PRKCA: variants seen among roughly 807,000 people sequenced by gnomAD.
The protein encoded by PRKCA is protein kinase C alpha.
A neutral mutation model predicts 87.0 loss-of-function variants in PRKCA; 27 were observed. The observed-to-expected ratio is 0.31, with a 90% CI of 0.23 to 0.43. PRKCA has a LOEUF of 0.43. Ranked by LOEUF, PRKCA falls within the 20% of genes least tolerant of loss-of-function variation. PRKCA has a pLI of 1.00. For synonymous variants in PRKCA, 329 were observed against 311.1 expected (o/e 1.06, Z -0.61); for missense variants, 518 against 852.3 (o/e 0.61, Z 4.88).
At chr17:66,573,911 G>A (rs1166736588) in intron 3 of PRKCA, among the ~76,000 whole-genome samples, 1 of 152,134 alleles carries the variant, frequency 6.6e-6, no homozygotes, top group East Asian at 1.9e-4. Flanking sequence ...GATCACTTGA[G>A]GCCAAAGAGT....
At chr17:66,786,788 C>A in intron 14 of PRKCA, 79 bp from the exon 15 acceptor site, 2 of 1,146,338 alleles carry the variant, frequency 1.7e-6, no homozygotes, top group Non-Finnish European at 2.6e-6. Context: ...TTCCTTGGTG[C>A]TGAATTGGCT....
chr17:66,421,242 G>C lies in PRKCA; in HGVS notation c.206-74959G>C, dbSNP rs114325541. ...GGATTTTGGTTGAGTAATTTAGAGA[G>C]AGAGTAAAAAGATTTTGGTGTTTGT... On this transcript the variant is annotated intron_variant, in intron 2 of 16. Coordinates refer to ENST00000413366, the MANE Select transcript of PRKCA (RefSeq NM_002737.3). Among the ~76,000 whole-genome samples the C allele has an allele frequency of 8.4e-3, 1,278 of 152,276 alleles. 18 individuals are homozygous for C. Among genetic ancestry groups the C allele is most frequent in the African/African-American group, 0.03 (1,231 of 41,552 alleles).
Position 66,795,812 on chromosome 17 carries a change from T to C in PRKCA, c.1854+6833T>C, listed in dbSNP as rs1433016659. 1.3e-5 allele frequency among the ~76,000 whole-genome samples: 2 copies of C among 152,180 alleles called. 1 individual carries two copies. The highest frequency in any genetic ancestry group is 3.9e-4 in the East Asian group (2 of 5,186). On this transcript the variant is annotated intron_variant, in intron 16 of 16. Coordinates refer to ENST00000413366, the MANE Select transcript of PRKCA (RefSeq NM_002737.3). ...TCTGGCCATTAACATAAAGACCAAA[T>C]GGAGTACATGTTTTTATTCCATAGA...
intron 5 of PRKCA, among the ~76,000 whole-genome samples, chr17:66,662,926 G>A (rs1312011141): frequency 1.3e-5 from 2 of 152,158 alleles, no homozygotes; most frequent in Admixed American, 1.3e-4. Flanking sequence ...ATTTCTCAGA[G>A]AATCAGCTCT....
chr17:66,771,691 G>A (rs1568024661), intron 13 of PRKCA, among the ~76,000 whole-genome samples: 2 of 152,044 alleles, frequency 1.3e-5, no homozygotes, highest in Non-Finnish European at 2.9e-5. Flanking sequence ...CACCTCCCGG[G>A]TTCAAGCGAT....
intron 2 of PRKCA, among the ~76,000 whole-genome samples, chr17:66,345,944 A>G (rs1465136928): frequency 6.6e-6 from 1 of 152,166 alleles, no homozygotes; most frequent in African/African-American, 2.4e-5. Flanking sequence ...CGAATACCTA[A>G]GTAGATGATG....
chr17:66,430,829 T>A (rs1434316667), intron 2 of PRKCA, among the ~76,000 whole-genome samples: 2 of 152,198 alleles, frequency 1.3e-5, no homozygotes, highest in African/African-American at 4.8e-5. Flanking sequence ...ACGGCTGTTT[T>A]AGGCCAGGGC....
intron 2 of PRKCA, among the ~76,000 whole-genome samples, chr17:66,406,130 C>T (rs910771842): frequency 4.6e-5 from 7 of 152,082 alleles, no homozygotes; most frequent in African/African-American, 1.4e-4. Context: ...AAACACACCC[C>T]GAATCCCTTG....
chr17:66,702,969 G>A (rs1426477776), intron 8 of PRKCA, among the ~76,000 whole-genome samples: 1 of 152,120 alleles, frequency 6.6e-6, no homozygotes, highest in East Asian at 1.9e-4. Flanking sequence ...AAAAAAAGTG[G>A]TACACTAGTA....
intron 2 of PRKCA, among the ~76,000 whole-genome samples, chr17:66,435,982 T>A (rs981235399): frequency 1.3e-5 from 2 of 152,154 alleles, no homozygotes; most frequent in East Asian, 3.9e-4. Context: ...TTTGTCATCA[T>A]GGGCAAGAGG....
At chr17:66,573,960 A>G (rs1969153280) in intron 3 of PRKCA, among the ~76,000 whole-genome samples, 1 of 152,194 alleles carries the variant, frequency 6.6e-6, no homozygotes, top group Non-Finnish European at 1.5e-5. Context: ...CCCCATCTCT[A>G]AAAAATGAAT....
chr17:66,462,925 AACACACACACACAC>A (rs58085398), intron 2 of PRKCA, among the ~76,000 whole-genome samples: 2,703 of 147,638 alleles, frequency 0.018, 91 homozygotes, highest in African/African-American at 0.061. Flanking sequence ...CACACATGCA[AACACACACACACAC>A]ACACACACAC....
chr17:66,494,949 AAAATGAGC>A (rs2144106366), intron 2 of PRKCA, among the ~76,000 whole-genome samples: 1 of 152,056 alleles, frequency 6.6e-6, no homozygotes, highest in South Asian at 2.1e-4. Context: ...CAAAAATGTA[AAAATGAGC>A]AGGGTGTGGT....
At chr17:66,383,789 C>T (rs556028306) in intron 2 of PRKCA, among the ~76,000 whole-genome samples, 15 of 152,110 alleles carry the variant, frequency 9.9e-5, no homozygotes, top group African/African-American at 3.6e-4. Flanking sequence ...CCCATCTCTA[C>T]TAAAAATACA....
At chr17:66,669,305 T>G (rs1216148847) in intron 5 of PRKCA, among the ~76,000 whole-genome samples, 1 of 152,058 alleles carries the variant, frequency 6.6e-6, no homozygotes, top group Non-Finnish European at 1.5e-5. Flanking sequence ...ATCTTTGTGG[T>G]GCAACAAACA....
chr17:66,681,838 C>T (rs1361314143), intron 5 of PRKCA, among the ~76,000 whole-genome samples: 1 of 152,178 alleles, frequency 6.6e-6, no homozygotes, highest in African/African-American at 2.4e-5. Context: ...ATCCCTCACT[C>T]GGGTGCCTGC....
At chr17:66,513,864 G>C (rs1966880230) in intron 3 of PRKCA, among the ~76,000 whole-genome samples, 1 of 152,212 alleles carries the variant, frequency 6.6e-6, no homozygotes, top group African/African-American at 2.4e-5. Flanking sequence ...GAACCTAAAA[G>C]ATGGAAATCA....
At chr17:66,454,629 A>G (rs1914497371) in intron 2 of PRKCA, among the ~76,000 whole-genome samples, 1 of 152,200 alleles carries the variant, frequency 6.6e-6, no homozygotes, top group Non-Finnish European at 1.5e-5. Flanking sequence ...GGCAGCAGAC[A>G]AGAGTAAGAG....
At chr17:66,770,940 G>C (rs1200837652) in intron 13 of PRKCA, among the ~76,000 whole-genome samples, 1 of 151,994 alleles carries the variant, frequency 6.6e-6, no homozygotes, top group Non-Finnish European at 1.5e-5. Context: ...TGAGAATTTG[G>C]AAAACGGGCA....
Sources: allele counts gnomAD v4.1 joint callset (sites outside exome capture counted in the v4.1 genomes callset), GRCh38; gene constraint gnomAD v4.1.1; transcripts MANE v1.5; gene names NCBI Gene and HGNC (gene_info 2026-07-23, HGNC 2026-07-21).